Variants in SGCZ observed in about 807,000 individuals in gnomAD.
SGCZ encodes the protein zeta-sarcoglycan.
Under a neutral mutation model 41.3 loss-of-function variants are expected in SGCZ, and 40 were observed. That is an observed-to-expected ratio of 0.97 (90% CI 0.75 to 1.26). The LOEUF (loss-of-function observed/expected upper bound fraction) is 1.26. SGCZ is among the 50% of genes most tolerant of loss of function. The pLI is 0.00. For missense variants in SGCZ, 552 were observed against 369.8 expected (o/e 1.49, Z -4.04); for synonymous variants, 206 against 137.5 (o/e 1.50, Z -3.49).
At chr8:14,438,680 T>C (rs1364477338) in intron 2 of SGCZ, among the ~76,000 whole-genome samples, 2 of 152,048 alleles carry the variant, frequency 1.3e-5, no homozygotes, top group Admixed American at 6.6e-5. Context: ...CCATCAGATA[T>C]TTCATGAGGC....
intron 2 of SGCZ, among the ~76,000 whole-genome samples, chr8:14,512,691 C>G (rs959218974): frequency 6.6e-6 from 1 of 151,862 alleles, no homozygotes; most frequent in Admixed American, 6.6e-5. Context: ...GTTTGAACCC[C>G]TGGTCTCAAG....
intron 1 of SGCZ, among the ~76,000 whole-genome samples, chr8:14,619,521 T>C (rs1806215690): frequency 6.6e-6 from 1 of 152,176 alleles, no homozygotes; most frequent in South Asian, 2.1e-4. Flanking sequence ...GCAGATGACA[T>C]GACTGTATAT....
At chr8:15,175,895 C>T (rs1380388905) in intron 1 of SGCZ, among the ~76,000 whole-genome samples, 1 of 152,014 alleles carries the variant, frequency 6.6e-6, no homozygotes, top group Non-Finnish European at 1.5e-5. Context: ...ATGTTAGGAA[C>T]AGAAAGCAGT....
At chr8:14,823,779 A>G (rs906176012) in intron 1 of SGCZ, among the ~76,000 whole-genome samples, 1 of 152,190 alleles carries the variant, frequency 6.6e-6, no homozygotes, top group Non-Finnish European at 1.5e-5. Context: ...CTGGAGTTAC[A>G]TGTTTTTTGC....
chr8:15,236,376 G>A (rs534843777), intron 1 of SGCZ, among the ~76,000 whole-genome samples: 1 of 151,932 alleles, frequency 6.6e-6, no homozygotes, highest in South Asian at 2.1e-4. Context: ...TGCCTAGCTT[G>A]TCGGATAAAC....
intron 1 of SGCZ, among the ~76,000 whole-genome samples, chr8:15,114,218 T>C (rs138822420): frequency 1.3e-3 from 204 of 152,328 alleles, no homozygotes; most frequent in African/African-American, 4.6e-3. Flanking sequence ...CACTAATCAT[T>C]TTGTAGGTAA....
At chr8:14,811,296 T>C (rs532447760) in intron 1 of SGCZ, among the ~76,000 whole-genome samples, 64 of 152,114 alleles carry the variant, frequency 4.2e-4, no homozygotes, top group Admixed American at 1.6e-3. Flanking sequence ...CAATAAAATT[T>C]AACTTACATC....
At chr8:14,237,893 TACTA>T (rs1018366783) in intron 3 of SGCZ, among the ~76,000 whole-genome samples, 8 of 152,166 alleles carry the variant, frequency 5.3e-5, no homozygotes, top group South Asian at 2.1e-4. Flanking sequence ...CATAAGTGGG[TACTA>T]ACTATCAGAT....
intron 1 of SGCZ, among the ~76,000 whole-genome samples, chr8:14,627,540 A>C (rs1806502539): frequency 6.6e-6 from 1 of 152,158 alleles, no homozygotes; most frequent in Admixed American, 6.5e-5. Context: ...AAAGATCCTG[A>C]AAACATTATT....
Position 14,164,712 on chromosome 8 carries a change from G to T in SGCZ, c.425-10C>A. ...TCCACAGCATCAGCTCCTATGGTCAGAGGAAAGGTTTAAAAATGAAACTGG... is the reference window on the plus strand; with the variant it reads ...TCCACAGCATCAGCTCCTATGGTCATAGGAAAGGTTTAAAAATGAAACTGG... On this transcript the variant is annotated splice_polypyrimidine_tract_variant and intron_variant, in intron 4 of 7. Coordinates refer to ENST00000382080, the MANE Select transcript of SGCZ (RefSeq NM_139167.4). 1.2e-6 allele frequency: 2 copies of T among 1,611,854 alleles called. No homozygotes were observed. The highest frequency in any genetic ancestry group is 1.7e-6 in the Non-Finnish European group (2 of 1,179,134).
At chr8:14,440,317 C>A (rs1454852843) in intron 2 of SGCZ, among the ~76,000 whole-genome samples, 2 of 152,020 alleles carry the variant, frequency 1.3e-5, no homozygotes, top group South Asian at 2.1e-4. Flanking sequence ...AAATAATTCA[C>A]TTCTTTGTTC....
chr8:14,609,166 G>C (rs1337204554), intron 1 of SGCZ, among the ~76,000 whole-genome samples: 1 of 152,028 alleles, frequency 6.6e-6, no homozygotes, highest in East Asian at 1.9e-4. Context: ...GCTAAACATA[G>C]ATTCCCTTTG....
At chr8:15,179,751 G>C (rs905112529) in intron 1 of SGCZ, among the ~76,000 whole-genome samples, 1 of 152,160 alleles carries the variant, frequency 6.6e-6, no homozygotes, top group Non-Finnish European at 1.5e-5. Context: ...AATCAGAGGA[G>C]AATTAACAAG....
Position 14,717,996 on chromosome 8 carries a change from G to GATATATATATATATATATATATATATAT in SGCZ, c.40-163071_40-163070insATATATATATATATATATATATATATAT, listed in dbSNP as rs140343071. Among the ~76,000 whole-genome samples, 99 of 144,972 alleles carry GATATATATATATATATATATATATATAT rather than the reference G, an allele frequency of 6.8e-4. 1 individual carries two copies. Among genetic ancestry groups the GATATATATATATATATATATATATATAT allele is most frequent in the East Asian group, 2.9e-3 (14 of 4,806 alleles). The stretch of plus-strand genomic sequence containing the variant: ...TGGATAAATGTAAATTCTAAAATAA[G>GATATATATATATATATATATATATATAT]ATATATATATATATGTAATATGGCT... On this transcript the variant is annotated intron_variant, in intron 1 of 7. Transcript: ENST00000382080.
chr8:15,134,664 C>G (rs958811456), intron 1 of SGCZ, among the ~76,000 whole-genome samples: 4 of 152,056 alleles, frequency 2.6e-5, no homozygotes, highest in Admixed American at 6.6e-5. Context: ...CTATGCAAGA[C>G]GAGTCACCAA....
intron 5 of SGCZ, among the ~76,000 whole-genome samples, chr8:14,151,937 C>A (rs769325953): frequency 1.6e-5 from 2 of 127,530 alleles, no homozygotes; most frequent in South Asian, 5.0e-4. Context: ...AAAAATCAAC[C>A]AAAAATATAT....
At chr8:14,134,574 C>T (rs1803140658) in intron 5 of SGCZ, among the ~76,000 whole-genome samples, 1 of 152,108 alleles carries the variant, frequency 6.6e-6, no homozygotes, top group African/African-American at 2.4e-5. Flanking sequence ...TGTTATTTTG[C>T]ACCACTTAAA....
intron 2 of SGCZ, among the ~76,000 whole-genome samples, chr8:14,546,491 A>G (rs1803632094): frequency 6.6e-6 from 1 of 152,194 alleles, no homozygotes; most frequent in Non-Finnish European, 1.5e-5. Flanking sequence ...TAAAGGTGCC[A>G]TTAATAAATG....
intron 1 of SGCZ, among the ~76,000 whole-genome samples, chr8:14,900,129 T>A (rs1798917648): frequency 6.6e-6 from 1 of 152,098 alleles, no homozygotes; most frequent in South Asian, 2.1e-4. Flanking sequence ...ATAACAATTT[T>A]ATCAGTATAA....
Sources: allele counts gnomAD v4.1 joint callset (sites outside exome capture counted in the v4.1 genomes callset), GRCh38; gene constraint gnomAD v4.1.1; transcripts MANE v1.5; gene names NCBI Gene and HGNC (gene_info 2026-07-23, HGNC 2026-07-21).